The following CHSY3 variants were observed in gnomAD, a reference collection of about 807,000 sequenced individuals.
CHSY3 encodes the protein N-acetylgalactosaminyl-proteoglycan 3-beta-glucuronosyltransferase 3.
Under a neutral mutation model 67.2 loss-of-function variants are expected in CHSY3, and 35 were observed. The ratio of observed to expected loss-of-function variants is 0.52; its 90% confidence interval spans 0.40 to 0.69. The LOEUF is 0.69. Ranked by LOEUF, CHSY3 falls within the 30% of genes least tolerant of loss-of-function variation. The pLI is 0.00. For missense variants in CHSY3, 1,069 were observed against 1,138.5 expected (o/e 0.94, Z 0.88); for synonymous variants, 474 against 434.7 (o/e 1.09, Z -1.12).
intron 2 of CHSY3, among the ~76,000 whole-genome samples, chr5:130,064,039 A>C (rs568840085): frequency 1.6e-4 from 24 of 152,118 alleles, no homozygotes; most frequent in Admixed American, 3.9e-4. Context: ...GGAATTACTC[A>C]TATGGACTAA....
chr5:130,026,640 C>T (rs1267573232), intron 2 of CHSY3, among the ~76,000 whole-genome samples: 14 of 151,898 alleles, frequency 9.2e-5, no homozygotes, highest in Admixed American at 9.2e-4. Flanking sequence ...ATCTTACTGC[C>T]CTTAAAATTG....
At chr5:130,091,143 C>T (rs1193467191) in intron 2 of CHSY3, among the ~76,000 whole-genome samples, 7 of 117,410 alleles carry the variant, frequency 6.0e-5, no homozygotes, top group African/African-American at 1.0e-4. Flanking sequence ...CACGCACACG[C>T]GCGCACACAC....
intron 2 of CHSY3, among the ~76,000 whole-genome samples, chr5:130,022,098 G>C (rs959491196): frequency 5.9e-5 from 9 of 152,056 alleles, no homozygotes; most frequent in Non-Finnish European, 8.8e-5. Flanking sequence ...ACCCTCCAGG[G>C]AGGGCTGGAT....
chr5:130,109,383 T>G (rs1188240897), intron 2 of CHSY3, among the ~76,000 whole-genome samples: 1 of 151,600 alleles, frequency 6.6e-6, no homozygotes, highest in African/African-American at 2.4e-5. Context: ...CAGAGGAGGA[T>G]TGAAAACACT....
At chr5:130,131,810 A>G (rs1007787476) in intron 2 of CHSY3, among the ~76,000 whole-genome samples, 9 of 152,116 alleles carry the variant, frequency 5.9e-5, no homozygotes, top group African/African-American at 1.9e-4. Context: ...TTGTTTCACT[A>G]CTGTGCCCCA....
At chr5:130,117,999 T>C (rs971246101) in intron 2 of CHSY3, among the ~76,000 whole-genome samples, 1 of 152,092 alleles carries the variant, frequency 6.6e-6, no homozygotes, top group Non-Finnish European at 1.5e-5. Flanking sequence ...CACTCTGAGT[T>C]CCTGTGAGAT....
chr5:130,145,697 A>G (rs1285618796), intron 2 of CHSY3, among the ~76,000 whole-genome samples: 1 of 152,150 alleles, frequency 6.6e-6, no homozygotes, highest in Non-Finnish European at 1.5e-5. Flanking sequence ...TGCAAACTAT[A>G]CATCTGACAG....
At chr5:130,037,871 G>A (rs1197586806) in intron 2 of CHSY3, among the ~76,000 whole-genome samples, 1 of 151,954 alleles carries the variant, frequency 6.6e-6, no homozygotes, top group Non-Finnish European at 1.5e-5. Context: ...AGACAAGAAT[G>A]CAGATTTTTT....
chr5:129,917,680 A>G (rs865851551), intron 2 of CHSY3, among the ~76,000 whole-genome samples: 7 of 152,322 alleles, frequency 4.6e-5, no homozygotes, highest in Middle Eastern at 6.8e-3. Context: ...GGAGTGGGAT[A>G]ATGTTGATTG....
chr5:130,082,708 A>G (rs1214344291), intron 2 of CHSY3, among the ~76,000 whole-genome samples: 2 of 151,992 alleles, frequency 1.3e-5, no homozygotes, highest in Admixed American at 6.6e-5. Context: ...ATAGGAAGGC[A>G]TGTTGGCATG....
intron 2 of CHSY3, among the ~76,000 whole-genome samples, chr5:130,165,680 C>A (rs1017161711): frequency 1.3e-5 from 2 of 151,734 alleles, no homozygotes; most frequent in African/African-American, 4.8e-5. Flanking sequence ...GAGATACATG[C>A]ACATATCTAT....
intron 2 of CHSY3, among the ~76,000 whole-genome samples, chr5:130,123,093 G>A (rs1199647307): frequency 2.7e-5 from 4 of 150,840 alleles, no homozygotes; most frequent in Non-Finnish European, 4.4e-5. Flanking sequence ...AAAAACGCAA[G>A]TTAAATAGAG....
At chr5:130,033,846 T>G (rs4835982) in intron 2 of CHSY3, among the ~76,000 whole-genome samples, 79,250 of 152,024 alleles carry the variant, frequency 0.52, 21,337 homozygotes, top group East Asian at 0.67. Context: ...TTTCTATTAG[T>G]ACAAATCAAG....
intron 2 of CHSY3, among the ~76,000 whole-genome samples, chr5:129,992,145 A>G (rs989734988): frequency 6.6e-6 from 1 of 152,208 alleles, no homozygotes; most frequent in African/African-American, 2.4e-5. Flanking sequence ...CCTGTAAGGC[A>G]GCTTGCTGAA....
At chr5:129,918,893 G>A (rs1020333810) in intron 2 of CHSY3, among the ~76,000 whole-genome samples, 2 of 148,512 alleles carry the variant, frequency 1.3e-5, no homozygotes, top group Admixed American at 1.3e-4. Context: ...GGATCATGAG[G>A]TCAGGAGATC....
intron 2 of CHSY3, among the ~76,000 whole-genome samples, chr5:130,107,110 A>G (rs981821339): frequency 2.0e-5 from 3 of 151,308 alleles, no homozygotes; most frequent in Non-Finnish European, 3.0e-5. Context: ...ATTATTTAAC[A>G]TAACATTGAT....
At chr5:130,087,691 C>A (rs1173169209) in intron 2 of CHSY3, among the ~76,000 whole-genome samples, 4 of 152,002 alleles carry the variant, frequency 2.6e-5, no homozygotes, top group Non-Finnish European at 4.4e-5. Flanking sequence ...AGGAGAACTA[C>A]AAACCACTGC....
intron 2 of CHSY3, among the ~76,000 whole-genome samples, chr5:130,006,321 A>G (rs895833178): frequency 2.0e-5 from 3 of 152,174 alleles, no homozygotes; most frequent in African/African-American, 2.4e-5. Context: ...AGGATAGACT[A>G]TGTAGTGTGG....
intron 2 of CHSY3, among the ~76,000 whole-genome samples, chr5:130,010,329 C>T (rs1764018757): frequency 6.6e-6 from 1 of 152,132 alleles, no homozygotes; most frequent in East Asian, 1.9e-4. Context: ...ACAAGAAGAT[C>T]TCTGAAAAAA....
Sources: gnomAD v4.1 joint callset for allele counts (sites outside exome capture counted in the v4.1 genomes callset) on GRCh38, gnomAD v4.1.1 for gene constraint, MANE v1.5 for transcripts, NCBI Gene and HGNC (gene_info 2026-07-23, HGNC 2026-07-21) for gene names.